Variants in TRAM2 observed in about 807,000 individuals in gnomAD.
TRAM2 encodes the protein translocation associated membrane protein 2.
TRAM2 carries 12 observed loss-of-function variants against 51.0 expected under a neutral mutation model. That is an observed-to-expected ratio of 0.24 (90% confidence interval 0.15 to 0.38). The LOEUF (loss-of-function observed/expected upper bound fraction) is 0.38, where lower values mean the gene tolerates loss of function less well. Ranked by LOEUF, TRAM2 falls within the 10% of genes least tolerant of loss-of-function variation. The pLI, the probability that TRAM2 is intolerant of heterozygous loss-of-function variation, is 1.00. For synonymous variants in TRAM2, 175 were observed against 179.4 expected, an observed-to-expected ratio of 0.98 and a Z score of 0.20; for missense variants, 361 against 462.0, an observed-to-expected ratio of 0.78 and a Z score of 2.00.
chr6:52,549,153 T>A (rs76243687), intron 1 of TRAM2, among the ~76,000 whole-genome samples: 1 of 152,128 alleles, frequency 6.6e-6, no homozygotes, highest in African/African-American at 2.4e-5. Context: ...AGATCTCAGC[T>A]GTGCCCATTT....
chr6:52,529,760 T>G (rs1327876791), intron 2 of TRAM2: 4 of 152,258 alleles, frequency 2.6e-5, no homozygotes, highest in African/African-American at 4.8e-5. Context: ...AGCAAATTAG[T>G]AGCACAACCC....
chr6:52,511,384 T>C (rs116044517), intron 4 of TRAM2, among the ~76,000 whole-genome samples: 4,480 of 152,264 alleles, frequency 0.029, 196 homozygotes, highest in African/African-American at 0.1. Flanking sequence ...GCGTGCACCA[T>C]TGCGCCCAGC....
intron 4 of TRAM2, among the ~76,000 whole-genome samples, chr6:52,512,974 A>G (rs1450136106): frequency 6.6e-6 from 1 of 152,192 alleles, no homozygotes; most frequent in Non-Finnish European, 1.5e-5. Context: ...GATGAAGCCA[A>G]ATATAGCAAG....
chr6:52,554,529 AAAAAAAAAAG>A (rs1767368505), intron 1 of TRAM2, among the ~76,000 whole-genome samples: 3 of 151,418 alleles, frequency 2.0e-5, no homozygotes, highest in Middle Eastern at 3.4e-3. Context: ...CAAAAAAAAA[AAAAAAAAAAG>A]AAAGAAAGAA....
intron 4 of TRAM2, among the ~76,000 whole-genome samples, chr6:52,512,499 G>C (rs988154329): frequency 1.3e-5 from 2 of 152,130 alleles, no homozygotes; most frequent in African/African-American, 2.4e-5. Context: ...TGAGGCTGGG[G>C]CACCCTCTGA....
intron 6 of TRAM2, 72 bp from the exon 7 acceptor site, chr6:52,507,695 C>G (rs1412244370): frequency 6.7e-7 from 1 of 1,494,574 alleles, no homozygotes; most frequent in African/African-American, 1.4e-5. Flanking sequence ...GGGAAAAGTG[C>G]AGGGGGATGA....
chr6:52,512,029 G>A (rs907077552), intron 4 of TRAM2, among the ~76,000 whole-genome samples: 6 of 152,048 alleles, frequency 3.9e-5, no homozygotes, highest in East Asian at 1.9e-4. Context: ...CCACTCTGTC[G>A]GGCATACGCC....
chr6:52,518,770 G>A (rs1168154681), intron 2 of TRAM2, among the ~76,000 whole-genome samples: 1 of 152,166 alleles, frequency 6.6e-6, no homozygotes, highest in African/African-American at 2.4e-5. Context: ...GTGACGCCAG[G>A]ATTACATTTT....
intron 2 of TRAM2, among the ~76,000 whole-genome samples, chr6:52,527,145 C>T (rs549926606): frequency 8.6e-5 from 13 of 152,024 alleles, no homozygotes; most frequent in African/African-American, 2.9e-4. Flanking sequence ...TTTGAGAGGC[C>T]GAGGTGGCGG....
intron 2 of TRAM2, chr6:52,522,848 C>T (rs1451106847): frequency 4.3e-6 from 3 of 699,174 alleles, no homozygotes; most frequent in Non-Finnish European, 7.8e-6. Context: ...GCTCCGTTTC[C>T]TATGACTAAT....
At chr6:52,562,879 A>T (rs997132179) in intron 1 of TRAM2, among the ~76,000 whole-genome samples, 21 of 152,208 alleles carry the variant, frequency 1.4e-4, no homozygotes, top group Non-Finnish European at 2.9e-4. Context: ...TTAGTATGTA[A>T]CCATACATTT....
chr6:52,504,813 G>A, intron 9 of TRAM2, 59 bp from the exon 10 acceptor site: 2 of 1,515,698 alleles, frequency 1.3e-6, no homozygotes, highest in Non-Finnish European at 1.8e-6. Flanking sequence ...CTTGGGCTGG[G>A]TTGTGCAGGG....
intron 1 of TRAM2, among the ~76,000 whole-genome samples, chr6:52,547,804 C>G (rs1021189067): frequency 6.6e-6 from 1 of 152,238 alleles, no homozygotes; most frequent in African/African-American, 2.4e-5. Flanking sequence ...ATTGCGTCGG[C>G]TGGACTGACA....
rs1313750828 is a variant in TRAM2 at position 52,504,670 on chromosome 6, T to C, written c.960A>G (p.Glu320=). Residue 320 remains glutamate, a synonymous_variant, in exon 10 of 11, where the codon GAA becomes GAG. Transcript: ENST00000182527. ...GCTTTGCACTCTGCTCATTCCAGTA[T>C]TCCCGCCAGTGCCGCAGCTGGGAGT... ...FIHSQLRHWR[E]YWNEQSAKRR... 3.1e-6 allele frequency: 5 copies of C among 1,605,948 alleles called. No individual in the cohort carries two copies. Among genetic ancestry groups the C allele is most frequent in the Non-Finnish European group, 4.3e-6 (5 of 1,174,676 alleles).
intron 2 of TRAM2, among the ~76,000 whole-genome samples, chr6:52,519,314 G>T (rs1420027077): frequency 6.6e-6 from 1 of 152,154 alleles, no homozygotes. Flanking sequence ...AAGGGACAAA[G>T]TTCTTGAAGA....
In TRAM2 at chr6:52,576,803, A is replaced by G; in HGVS notation, c.113T>C (p.Met38Thr). ...CLVLCVLIGL[M>T]FEVTAKTAFL... is the part of the protein sequence containing the mutation. ...TCCTCCCCAGGCTCTCACCTCGAAC[A>G]TAAGCCCGATGAGGACGCAGAGCAC... Residue 38 changes from methionine to threonine, a missense_variant, in exon 1 of 11, where the codon ATG becomes ACG. By Grantham distance (81) the Met-to-Thr change is moderately conservative. Transcript: ENST00000182527. The G allele has an allele frequency of 3.1e-6, 5 of 1,613,342 alleles. No individual in the cohort carries two copies. Among genetic ancestry groups the G allele is most frequent in the Non-Finnish European group, 3.4e-6 (4 of 1,179,554 alleles).
chr6:52,558,797 G>C (rs989072509), intron 1 of TRAM2, among the ~76,000 whole-genome samples: 1 of 152,122 alleles, frequency 6.6e-6, no homozygotes, highest in Admixed American at 6.5e-5. Flanking sequence ...CCTCTATTAG[G>C]CTTTTCCATG....
intron 1 of TRAM2, among the ~76,000 whole-genome samples, chr6:52,551,114 T>C (rs1364280579): frequency 6.6e-6 from 1 of 152,156 alleles, no homozygotes; most frequent in Non-Finnish European, 1.5e-5. Flanking sequence ...GCCTGAGTTT[T>C]TCAAGGGGGC....
rs1766153638 is a variant in TRAM2 at position 52,499,193 on chromosome 6, C to T, written c.*4004G>A. ...GGTTTTCCAGTCATCTGACAATGAC[C>T]TAATCCTCCAATAATCCTGAAAATC... is the stretch of plus-strand genomic sequence containing the variant. On this transcript the variant is annotated 3_prime_UTR_variant, in exon 11 of 11. Coordinates refer to ENST00000182527, the MANE Select transcript of TRAM2 (RefSeq NM_012288.4). The T allele has an allele frequency of 6.6e-6, 1 of 152,114 alleles. No individual in the cohort carries two copies. The highest frequency in any genetic ancestry group is 6.5e-5 in the Admixed American group (1 of 15,280). 9.4% of individuals were successfully genotyped at this position (152,114 alleles called of 1,614,324 possible).
Sources: gnomAD v4.1 joint callset for allele counts (sites outside exome capture counted in the v4.1 genomes callset) on GRCh38, gnomAD v4.1.1 for gene constraint, MANE v1.5 for transcripts, NCBI Gene and HGNC (gene_info 2026-07-23, HGNC 2026-07-21) for gene names.